Variants in MCUB observed in about 807,000 individuals in gnomAD.
The protein encoded by MCUB is mitochondrial calcium uniporter dominant negative subunit beta.
MCUB carries 46 observed loss-of-function variants against 41.4 expected under a neutral mutation model. The ratio of observed to expected loss-of-function variants is 1.11; its 90% CI spans 0.88 to 1.42. The LOEUF (loss-of-function observed/expected upper bound fraction) is 1.42. Ranked by LOEUF, MCUB falls within the 40% of genes most tolerant of loss-of-function variation. MCUB has a pLI of 0.00. For synonymous variants in MCUB, 148 were observed against 148.2 expected (o/e 1.00, Z 0.01); for missense variants, 403 against 404.9 (o/e 1.00, Z 0.04).
At chr4:109,654,507 A>G (rs1729043908) in intron 1 of MCUB, among the ~76,000 whole-genome samples, 1 of 151,964 alleles carries the variant, frequency 6.6e-6, no homozygotes, top group Non-Finnish European at 1.5e-5. Flanking sequence ...GCTACTCGAG[A>G]GGGTGAGGCA....
chr4:109,574,117 A>G (rs955413842), intron 1 of MCUB, among the ~76,000 whole-genome samples: 1 of 151,926 alleles, frequency 6.6e-6, no homozygotes, highest in Admixed American at 6.6e-5. Flanking sequence ...TGCCTCCCAA[A>G]GTGCCAGGAT....
intron 1 of MCUB, among the ~76,000 whole-genome samples, chr4:109,577,294 A>G (rs1453030785): frequency 6.6e-6 from 1 of 152,172 alleles, no homozygotes; most frequent in East Asian, 1.9e-4. Flanking sequence ...TTCCAAGTAA[A>G]TCCTGTGCAG....
At chr4:109,632,614 G>A (rs1032782606) in intron 1 of MCUB, among the ~76,000 whole-genome samples, 342 of 62,402 alleles carry the variant, frequency 5.5e-3, no homozygotes, top group Non-Finnish European at 7.3e-3. Context: ...TTCTGTCATT[G>A]CTTTTTTTTT....
At chr4:109,577,590 C>T (rs1266641699) in intron 1 of MCUB, among the ~76,000 whole-genome samples, 1 of 86,254 alleles carries the variant, frequency 1.2e-5, no homozygotes, top group Non-Finnish European at 2.4e-5. Flanking sequence ...AAAATGGGTA[C>T]TTGAATTCTT....
At chr4:109,577,517 T>A (rs906716477) in intron 1 of MCUB, among the ~76,000 whole-genome samples, 41 of 152,242 alleles carry the variant, frequency 2.7e-4, no homozygotes, top group African/African-American at 9.6e-4. Context: ...AGACCCAGCC[T>A]GTCACCTGAC....
At chr4:109,666,209 C>T (rs539363915) in intron 4 of MCUB, among the ~76,000 whole-genome samples, 1 of 152,328 alleles carries the variant, frequency 6.6e-6, no homozygotes, top group South Asian at 2.1e-4. Context: ...TACTGAAGGA[C>T]ATCTGGGATA....
At chr4:109,578,951 T>C (rs1344145879) in intron 1 of MCUB, among the ~76,000 whole-genome samples, 1 of 152,182 alleles carries the variant, frequency 6.6e-6, no homozygotes, top group Non-Finnish European at 1.5e-5. Flanking sequence ...ATCGGGACTT[T>C]TATATTCTAC....
rs150317800 is a variant in MCUB at position 109,658,787 on chromosome 4, C to T, written c.100-224C>T. 3.7e-3 allele frequency among the ~76,000 whole-genome samples: 569 copies of T among 152,250 alleles called. 17 individuals carry two copies. The South Asian group carries it at 0.06, about 16-fold the overall frequency. On this transcript the variant is annotated intron_variant, in intron 1 of 7. Coordinates refer to ENST00000394650, the MANE Select transcript of MCUB (RefSeq NM_017918.5). ...GCCTCATACCCCAATTTAGGGATCCCGTCCTGGTGTGCTACTGCTACAGCA... is the reference window on the plus strand; with the variant it reads ...GCCTCATACCCCAATTTAGGGATCCTGTCCTGGTGTGCTACTGCTACAGCA...
At chr4:109,603,112 C>T (rs1727780763) in intron 1 of MCUB, among the ~76,000 whole-genome samples, 1 of 152,188 alleles carries the variant, frequency 6.6e-6, no homozygotes, top group Admixed American at 6.5e-5. Context: ...TCTCCATAGT[C>T]TCTGTCTGCC....
At chr4:109,591,970 G>T (rs917542435) in intron 1 of MCUB, among the ~76,000 whole-genome samples, 4 of 152,028 alleles carry the variant, frequency 2.6e-5, no homozygotes, top group Admixed American at 2.6e-4. Flanking sequence ...TAAGTGCTAG[G>T]ATTACAGGCG....
At chr4:109,573,861 G>A (rs1726968827) in intron 1 of MCUB, among the ~76,000 whole-genome samples, 1 of 147,970 alleles carries the variant, frequency 6.8e-6, no homozygotes, top group African/African-American at 2.5e-5. Context: ...TGATTAAAAG[G>A]GTTGAATTTT....
chr4:109,620,087 A>AAGGACAGTGTTGGAGGAACTGCTG (rs1728222270), intron 1 of MCUB, among the ~76,000 whole-genome samples: 1 of 152,134 alleles, frequency 6.6e-6, no homozygotes, highest in Non-Finnish European at 1.5e-5. Flanking sequence ...GGATATCCCT[A>AAGGACAGTGTTGGAGGAACTGCTG]AGGACAGTGT....
chr4:109,643,858 G>A (rs957756888), intron 1 of MCUB, among the ~76,000 whole-genome samples: 1 of 152,134 alleles, frequency 6.6e-6, no homozygotes, highest in African/African-American at 2.4e-5. Flanking sequence ...ACATTGCTAC[G>A]GCAGCCCTAG....
At chr4:109,674,250 C>G (rs1729524027) in intron 4 of MCUB, 4 of 678,142 alleles carry the variant, frequency 5.9e-6, no homozygotes, top group Non-Finnish European at 1.1e-5. Context: ...ATTTTGAATA[C>G]TGGCTTCCTT....
chr4:109,609,141 C>T (rs1057504794), intron 1 of MCUB, among the ~76,000 whole-genome samples: 4 of 152,218 alleles, frequency 2.6e-5, no homozygotes, highest in Middle Eastern at 3.4e-3. Context: ...GAAGGGCTCC[C>T]AATCCAGACC....
intron 1 of MCUB, among the ~76,000 whole-genome samples, chr4:109,658,072 C>A (rs1385086446): frequency 6.6e-6 from 1 of 152,228 alleles, no homozygotes; most frequent in East Asian, 1.9e-4. Context: ...AAGCAATCCT[C>A]CTGCTTCGGC....
chr4:109,561,629 C>T (rs1408330973), intron 1 of MCUB, among the ~76,000 whole-genome samples: 1 of 152,170 alleles, frequency 6.6e-6, no homozygotes, highest in Non-Finnish European at 1.5e-5. Context: ...GCTTTTTATA[C>T]TTTTAAAGGT....
At chr4:109,583,275 T>A (rs911598556) in intron 1 of MCUB, among the ~76,000 whole-genome samples, 7 of 152,346 alleles carry the variant, frequency 4.6e-5, no homozygotes, top group African/African-American at 1.4e-4. Flanking sequence ...AAGAGGTCCT[T>A]CACATCCCAT....
intron 1 of MCUB, among the ~76,000 whole-genome samples, chr4:109,567,950 C>T (rs1328718975): frequency 3.9e-5 from 6 of 152,238 alleles, no homozygotes; most frequent in East Asian, 3.9e-4. Flanking sequence ...CCACCCGCCT[C>T]GGCCTCCCAA....
Sources: gnomAD v4.1 joint callset for allele counts (sites outside exome capture counted in the v4.1 genomes callset) on GRCh38, gnomAD v4.1.1 for gene constraint, MANE v1.5 for transcripts, NCBI Gene and HGNC (gene_info 2026-07-23, HGNC 2026-07-21) for gene names.